LIMK1: variants seen among roughly 807,000 people sequenced by gnomAD.
The protein encoded by LIMK1 is LIM motif-containing protein kinase.
A neutral mutation model predicts 77.6 loss-of-function variants in LIMK1; 21 were observed. The ratio of observed to expected loss-of-function variants is 0.27; its 90% CI spans 0.19 to 0.39. The LOEUF (loss-of-function observed/expected upper bound fraction) is 0.39. Among genes scored for constraint, LIMK1 ranks in the 10% least tolerant of loss-of-function variants. LIMK1 has a pLI of 1.00. For synonymous variants in LIMK1, 358 were observed against 370.0 expected (o/e 0.97, Z 0.37); for missense variants, 696 against 901.6 (o/e 0.77, Z 2.92).
chr7:74,108,544 A>T (rs1257470987), intron 9 of LIMK1, among the ~76,000 whole-genome samples: 2 of 150,598 alleles, frequency 1.3e-5, no homozygotes, highest in Non-Finnish European at 1.5e-5. Context: ...GCTACTCAGG[A>T]GGCTGAGGCA....
chr7:74,114,896 T>C (rs1407034044), intron 12 of LIMK1, among the ~76,000 whole-genome samples: 2 of 122,102 alleles, frequency 1.6e-5, no homozygotes, highest in African/African-American at 3.2e-5. Flanking sequence ...ACCTGGGCAA[T>C]AGAGCAAGAC....
intron 3 of LIMK1, 57 bp from the exon 4 acceptor site, chr7:74,097,023 C>A: frequency 7.3e-7 from 1 of 1,361,896 alleles, no homozygotes; most frequent in Non-Finnish European, 1.0e-6. Flanking sequence ...AGGGGAGGAT[C>A]TGTGGGGGTT....
intron 12 of LIMK1, 164 bp from the exon 13 acceptor site, chr7:74,115,637 CG>C (rs1799791067): frequency 4.6e-6 from 3 of 650,226 alleles, no homozygotes; most frequent in African/African-American, 3.6e-5. Flanking sequence ...TTGCAAAGAG[CG>C]GATGGGTTTG....
At chr7:74,089,702 G>A (rs577452678) in intron 2 of LIMK1, among the ~76,000 whole-genome samples, 7 of 152,222 alleles carry the variant, frequency 4.6e-5, no homozygotes, top group African/African-American at 1.7e-4. Context: ...GAGGGGACAT[G>A]GGCTATCCAT....
At chr7:74,107,324 C>A in intron 8 of LIMK1, 131 bp downstream of exon 8, 1 of 960,320 alleles carries the variant, frequency 1.0e-6, no homozygotes, top group South Asian at 1.9e-5. Flanking sequence ...CCCTCTCCTC[C>A]CTTGGCCTCC....
At chr7:74,084,078 TG>T in intron 1 of LIMK1, 33 bp downstream of exon 1, 1 of 1,297,786 alleles carries the variant, frequency 7.7e-7, no homozygotes. Context: ...GGCGAGGGCC[TG>T]GAGGGGGTGC....
intron 5 of LIMK1, among the ~76,000 whole-genome samples, chr7:74,105,618 G>A (rs997446243): frequency 6.6e-6 from 1 of 152,120 alleles, no homozygotes; most frequent in Non-Finnish European, 1.5e-5. Context: ...GGGAACAGCT[G>A]AGCATCTTGT....
intron 4 of LIMK1, among the ~76,000 whole-genome samples, chr7:74,098,675 T>C (rs1263332663): frequency 6.6e-6 from 1 of 151,864 alleles, no homozygotes; most frequent in Non-Finnish European, 1.5e-5. Context: ...GGTGAAACCG[T>C]CTCTACTAAA....
intron 2 of LIMK1, chr7:74,094,407 G>A (rs1359603506): frequency 6.6e-6 from 1 of 152,316 alleles, no homozygotes; most frequent in African/African-American, 2.4e-5. Flanking sequence ...TTCCCTCCCC[G>A]GGATGGGGAC....
At chr7:74,095,584 T>G (rs1799321563) in intron 2 of LIMK1, among the ~76,000 whole-genome samples, 1 of 152,094 alleles carries the variant, frequency 6.6e-6, no homozygotes, top group Admixed American at 6.6e-5. Context: ...TTTAATAATT[T>G]TTTAAGAGAT....
At chr7:74,119,705 C>T (rs973085724) in intron 13 of LIMK1, among the ~76,000 whole-genome samples, 1 of 151,422 alleles carries the variant, frequency 6.6e-6, no homozygotes, top group Non-Finnish European at 1.5e-5. Context: ...GTCAGGAGTT[C>T]GAGACCAGCC....
At position 74,105,893 on chromosome 7, in the gene LIMK1, G is replaced by C. The variant is rs182322108; in HGVS notation, c.627G>C (p.Met209Ile). The stretch of plus-strand genomic sequence containing the variant: ...CCCACAGAGTGGATCCGGGCTGCAT[G>C]AGCCCAGATGTGAAGAATTCCATCC... ...VRVQGVDPGC[M>I]SPDVKNSIHV... is the part of the protein sequence containing the mutation. Residue 209 changes from methionine to isoleucine, a missense_variant, in exon 6 of 16, where the codon ATG becomes ATC. Coordinates refer to ENST00000336180, the MANE Select transcript of LIMK1 (RefSeq NM_002314.4). 6.2e-7 allele frequency: 1 copy of C among 1,613,704 alleles called. No homozygotes were observed. Among genetic ancestry groups the C allele is most frequent in the East Asian group, 2.2e-5 (1 of 44,870 alleles).
intron 5 of LIMK1, among the ~76,000 whole-genome samples, chr7:74,104,258 C>T (rs1040092120): frequency 2.0e-5 from 3 of 151,902 alleles, no homozygotes; most frequent in African/African-American, 7.3e-5. Flanking sequence ...TCTCAGTCTC[C>T]TCTCTGCCTT....
In LIMK1 at chr7:74,085,731, C is replaced by A. The variant is rs1799122939; in HGVS notation, c.56-17C>A. 1.3e-6 allele frequency: 2 copies of A among 1,549,208 alleles called. No individual in the cohort carries two copies. Among genetic ancestry groups the A allele is most frequent in the South Asian group, 1.2e-5 (1 of 84,032 alleles). On this transcript the variant is annotated splice_polypyrimidine_tract_variant and intron_variant, in intron 1 of 15. Transcript: ENST00000336180. Reference sequence around the variant, plus strand: ...CACTTCCTGAGAATGCTTCCCAACTCCCTTCCCACCCTGCAGGAAGCGAGT... The same window carrying A: ...CACTTCCTGAGAATGCTTCCCAACTACCTTCCCACCCTGCAGGAAGCGAGT...
chr7:74,102,352 A>T (rs1799477873), intron 5 of LIMK1, among the ~76,000 whole-genome samples: 1 of 152,052 alleles, frequency 6.6e-6, no homozygotes, highest in Admixed American at 6.6e-5. Flanking sequence ...AGATACATAT[A>T]CATGTTTAGT....
In LIMK1 at chr7:74,106,113, CAGCTGACCCTCG is replaced by C; in HGVS notation, c.755_766del (p.Leu252_Glu255del). On this transcript the variant is annotated inframe_deletion, in exon 7 of 16. Coordinates refer to ENST00000336180, the MANE Select transcript of LIMK1 (RefSeq NM_002314.4). ...GATTCAGGAAACCAGCCGCCTGCTC[CAGCTGACCCTCG>C]AGCATGACCCTCACGATACACTGGG... 6.2e-7 allele frequency: 1 copy of C among 1,614,156 alleles called. No individual in the cohort carries two copies. Among genetic ancestry groups the C allele is most frequent in the Non-Finnish European group, 8.5e-7 (1 of 1,180,034 alleles).
At chr7:74,120,767 C>T in intron 14 of LIMK1, 125 bp from the exon 15 acceptor site, 1 of 1,535,584 alleles carries the variant, frequency 6.5e-7, no homozygotes, top group South Asian at 1.1e-5. Flanking sequence ...GGGCTGGCCC[C>T]CATGGGGTAC....
At chr7:74,093,008 C>G in intron 2 of LIMK1, 3 of 779,292 alleles carry the variant, frequency 3.8e-6, no homozygotes, top group African/African-American at 1.8e-5. Flanking sequence ...AAGCCTAGAT[C>G]GCTCGCTCCC....
chr7:74,091,296 GGA>G (rs1284702230), intron 2 of LIMK1, among the ~76,000 whole-genome samples: 1 of 152,122 alleles, frequency 6.6e-6, no homozygotes, highest in South Asian at 2.1e-4. Context: ...GGCTGAGGCA[GGA>G]GGACTGCTTG....
Sources: gnomAD v4.1 joint callset for allele counts (sites outside exome capture counted in the v4.1 genomes callset) on GRCh38, gnomAD v4.1.1 for gene constraint, MANE v1.5 for transcripts, NCBI Gene and HGNC (gene_info 2026-07-23, HGNC 2026-07-21) for gene names.